The following SORCS2 variants were observed in gnomAD, a reference collection of about 807,000 sequenced individuals.
The protein encoded by SORCS2 is VPS10 domain-containing receptor SorCS2.
Under a neutral mutation model 141.6 loss-of-function variants are expected in SORCS2, and 100 were observed. The observed-to-expected ratio is 0.71, with a 90% CI of 0.60 to 0.83. The LOEUF (loss-of-function observed/expected upper bound fraction) is 0.83, where lower values mean the gene tolerates loss of function less well. Among genes scored for constraint, SORCS2 ranks in the 40% least tolerant of loss-of-function variants. SORCS2 has a pLI of 0.00. For synonymous variants in SORCS2, 789 were observed against 676.9 expected (o/e 1.17, Z -2.57); for missense variants, 1,646 against 1,560.2 (o/e 1.05, Z -0.93).
intron 3 of SORCS2, among the ~76,000 whole-genome samples, chr4:7,549,129 C>T (rs1713491265): frequency 6.6e-6 from 1 of 152,206 alleles, no homozygotes; most frequent in Non-Finnish European, 1.5e-5. Context: ...GGAATGAGAG[C>T]AGCTTGTGTC....
At chr4:7,543,899 T>TCCGTCCAC (rs1712998009) in intron 3 of SORCS2, among the ~76,000 whole-genome samples, 1 of 17,810 alleles carries the variant, frequency 5.6e-5, no homozygotes, top group Admixed American at 6.6e-4. Context: ...CACCCATCCA[T>TCCGTCCAC]CCATCCACCC....
At chr4:7,388,201 G>A (rs1001927178) in intron 1 of SORCS2, among the ~76,000 whole-genome samples, 1 of 152,168 alleles carries the variant, frequency 6.6e-6, no homozygotes, top group African/African-American at 2.4e-5. Flanking sequence ...TGCAGAAGTC[G>A]GCTCCGTGTT....
At chr4:7,347,169 T>C (rs1368576196) in intron 1 of SORCS2, among the ~76,000 whole-genome samples, 1 of 152,204 alleles carries the variant, frequency 6.6e-6, no homozygotes, top group African/African-American at 2.4e-5. Flanking sequence ...AGGGAAGCTG[T>C]CAGGCAGCTC....
chr4:7,475,157 T>C (rs1481512163), intron 2 of SORCS2, among the ~76,000 whole-genome samples: 2 of 152,102 alleles, frequency 1.3e-5, no homozygotes, highest in Admixed American at 6.5e-5. Flanking sequence ...AAAACATTCC[T>C]TTGAGAAGTG....
At chr4:7,672,063 C>G (rs1722833273) in intron 8 of SORCS2, among the ~76,000 whole-genome samples, 1 of 151,850 alleles carries the variant, frequency 6.6e-6, no homozygotes, top group African/African-American at 2.4e-5. Context: ...CCTGCCTCAG[C>G]CTCCTGAGTA....
rs79961474 is a variant in SORCS2, at chr4:7,519,733, C to T, written c.549-11797C>T. On this transcript the variant is annotated intron_variant, in intron 2 of 26. Transcript: ENST00000507866. ...ATCTCAGGGGAGGTCCCCGCAGCAC[C>T]CACACCTCTTAGTCTGACCCATTCT... 3.9e-3 allele frequency among the ~76,000 whole-genome samples: 599 copies of T among 152,362 alleles called. 2 individuals are homozygous for T. Among genetic ancestry groups the T allele is most frequent in the African/African-American group, 0.014 (573 of 41,588 alleles).
At chr4:7,654,743 C>G (rs950300473) in intron 5 of SORCS2, among the ~76,000 whole-genome samples, 1 of 152,182 alleles carries the variant, frequency 6.6e-6, no homozygotes, top group South Asian at 2.1e-4. Flanking sequence ...CCCTTCCCAG[C>G]CCCTACTGGG....
chr4:7,610,834 G>A (rs1256855264), intron 3 of SORCS2, among the ~76,000 whole-genome samples: 1 of 152,166 alleles, frequency 6.6e-6, no homozygotes, highest in Non-Finnish European at 1.5e-5. Context: ...GAGCAGCCCC[G>A]ATCCTGTGGA....
At chr4:7,399,754 C>T (rs13151988) in intron 2 of SORCS2, among the ~76,000 whole-genome samples, 19,654 of 152,072 alleles carry the variant, frequency 0.13, 1,517 homozygotes, top group Non-Finnish European at 0.18. Flanking sequence ...GTGTAGACTG[C>T]GGGGTCTCAC....
intron 1 of SORCS2, among the ~76,000 whole-genome samples, chr4:7,219,821 G>T (rs1406325406): frequency 4.3e-5 from 3 of 69,164 alleles, no homozygotes; most frequent in African/African-American, 2.0e-4. Context: ...CCTGTGGGTG[G>T]CCCGCAGGGC....
chr4:7,698,201 C>T (rs984827884), intron 12 of SORCS2, among the ~76,000 whole-genome samples: 3 of 152,208 alleles, frequency 2.0e-5, no homozygotes, highest in African/African-American at 7.2e-5. Context: ...GTGGCAGTGT[C>T]TGCTTTATAT....
At chr4:7,548,943 G>A (rs868681449) in intron 3 of SORCS2, among the ~76,000 whole-genome samples, 5 of 152,158 alleles carry the variant, frequency 3.3e-5, no homozygotes, top group Admixed American at 6.5e-5. Context: ...CCCCATTCCC[G>A]AGGCATCAGC....
rs566615132 is a variant in SORCS2, at chr4:7,582,383, C to T, written c.648+50754C>T. 1.3e-5 allele frequency among the ~76,000 whole-genome samples: 2 copies of T among 152,332 alleles called. 1 individual carries two copies. The highest frequency in any genetic ancestry group is 4.8e-5 in the African/African-American group (2 of 41,572). On this transcript the variant is annotated intron_variant, in intron 3 of 26. Transcript: ENST00000507866. ...TACATCATGATTATGTCACACTTCA[C>T]TTACCCTTCTCCAGGTAGTTGAACA...
At chr4:7,733,787 G>A (rs1577136158) in intron 24 of SORCS2, among the ~76,000 whole-genome samples, 2 of 152,316 alleles carry the variant, frequency 1.3e-5, no homozygotes, top group East Asian at 1.9e-4. Flanking sequence ...CTTGAAACTC[G>A]GCAGGTTCGC....
chr4:7,657,306 T>C (rs1389631854), intron 5 of SORCS2, among the ~76,000 whole-genome samples: 1 of 152,210 alleles, frequency 6.6e-6, no homozygotes, highest in African/African-American at 2.4e-5. Flanking sequence ...AGGTAATGAA[T>C]GAATGAGTGA....
chr4:7,618,773 G>A (rs549371925), intron 3 of SORCS2, among the ~76,000 whole-genome samples: 71 of 152,064 alleles, frequency 4.7e-4, no homozygotes, highest in African/African-American at 1.5e-3. Flanking sequence ...TATATTTGCC[G>A]TGGTTTTTTT....
intron 3 of SORCS2, among the ~76,000 whole-genome samples, chr4:7,628,145 C>T (rs1365899133): frequency 3.3e-5 from 5 of 152,192 alleles, no homozygotes; most frequent in Non-Finnish European, 5.9e-5. Flanking sequence ...GGCTCCTGGG[C>T]TTCAGGTGGG....
intron 1 of SORCS2, among the ~76,000 whole-genome samples, chr4:7,195,975 A>T (rs994634277): frequency 2.6e-5 from 4 of 152,214 alleles, no homozygotes; most frequent in African/African-American, 7.2e-5. Context: ...GGAGCATTTG[A>T]TGAGGGAGAT....
intron 1 of SORCS2, among the ~76,000 whole-genome samples, chr4:7,280,990 A>C (rs973749073): frequency 4.6e-5 from 7 of 152,206 alleles, no homozygotes; most frequent in African/African-American, 1.4e-4. Flanking sequence ...CAAAGAGCCC[A>C]GTGTGAGGAC....
Sources: allele counts gnomAD v4.1 joint callset (sites outside exome capture counted in the v4.1 genomes callset), GRCh38; gene constraint gnomAD v4.1.1; transcripts MANE v1.5; gene names NCBI Gene and HGNC (gene_info 2026-07-23, HGNC 2026-07-21).